KCNH1: variants seen among roughly 807,000 people sequenced by gnomAD.
The protein encoded by KCNH1 is potassium voltage-gated channel subfamily H member 1.
KCNH1 carries 27 observed loss-of-function variants against 69.2 expected under a neutral mutation model. The observed-to-expected ratio is 0.39, with a 90% CI of 0.29 to 0.54. The LOEUF (loss-of-function observed/expected upper bound fraction) is 0.54, where lower values mean the gene tolerates loss of function less well. Among genes scored for constraint, KCNH1 ranks in the 20% least tolerant of loss-of-function variants. The probability of loss-of-function intolerance (pLI) is 0.68; values close to 1 mark genes in which losing one functional copy is unlikely to be tolerated. For missense variants in KCNH1, 798 were observed against 1,261.6 expected (o/e 0.63, Z 5.57); for synonymous variants, 456 against 487.7 (o/e 0.93, Z 0.86).
intron 6 of KCNH1, among the ~76,000 whole-genome samples, chr1:210,925,563 A>G (rs986295377): frequency 6.6e-6 from 1 of 152,182 alleles, no homozygotes. Flanking sequence ...ACTTTAGGAC[A>G]GAGGGCTGCG....
intron 8 of KCNH1, among the ~76,000 whole-genome samples, chr1:210,802,491 G>T (rs1339534892): frequency 6.6e-6 from 1 of 152,168 alleles, no homozygotes; most frequent in East Asian, 1.9e-4. Context: ...CTGAGAAGCA[G>T]AGAATGAATC....
At chr1:211,036,474 C>T (rs890073149) in intron 5 of KCNH1, among the ~76,000 whole-genome samples, 1 of 152,184 alleles carries the variant, frequency 6.6e-6, no homozygotes, top group African/African-American at 2.4e-5. Context: ...CACCATGAGC[C>T]TGTGATCTCC....
At chr1:211,129,304 G>A (rs1691835642) in intron 1 of KCNH1, among the ~76,000 whole-genome samples, 1 of 152,204 alleles carries the variant, frequency 6.6e-6, no homozygotes. Flanking sequence ...TCAAGGTAAT[G>A]CTCAAGGAAC....
intron 7 of KCNH1, among the ~76,000 whole-genome samples, chr1:210,822,577 C>T (rs1280356819): frequency 6.6e-6 from 1 of 152,152 alleles, no homozygotes; most frequent in Non-Finnish European, 1.5e-5. Context: ...CTGTTGCTGT[C>T]TTAAAATTCC....
intron 2 of KCNH1, among the ~76,000 whole-genome samples, chr1:211,104,388 A>C (rs1439332651): frequency 6.6e-6 from 1 of 152,128 alleles, no homozygotes; most frequent in Non-Finnish European, 1.5e-5. Context: ...AGCAAAAAAA[A>C]AATTCATTTA....
intron 7 of KCNH1, among the ~76,000 whole-genome samples, chr1:210,856,420 T>G (rs75767362): frequency 0.031 from 4,764 of 152,086 alleles, 182 homozygotes; most frequent in East Asian, 0.15. Flanking sequence ...CAAAACTGTT[T>G]CTCCCACTGA....
chr1:210,780,487 G>T (rs189819656), intron 9 of KCNH1, among the ~76,000 whole-genome samples: 1 of 152,170 alleles, frequency 6.6e-6, no homozygotes, highest in Admixed American at 6.5e-5. Flanking sequence ...AGGGGCTGAG[G>T]TGTAACAGTG....
intron 6 of KCNH1, among the ~76,000 whole-genome samples, chr1:210,993,285 A>G (rs1688967407): frequency 6.6e-6 from 1 of 152,180 alleles, no homozygotes; most frequent in African/African-American, 2.4e-5. Context: ...CATATCACCC[A>G]CTAAGGAGTT....
chr1:210,792,302 C>T (rs1336854859), intron 9 of KCNH1, among the ~76,000 whole-genome samples: 1 of 152,170 alleles, frequency 6.6e-6, no homozygotes, highest in African/African-American at 2.4e-5. Flanking sequence ...TGTCAACCCC[C>T]TTTCTAAAAC....
intron 5 of KCNH1, among the ~76,000 whole-genome samples, chr1:211,066,826 G>T (rs2102454063): frequency 6.6e-6 from 1 of 152,278 alleles, no homozygotes; most frequent in African/African-American, 2.4e-5. Flanking sequence ...GGGGAAAACT[G>T]CAGAACATAC....
intron 6 of KCNH1, among the ~76,000 whole-genome samples, chr1:210,951,228 C>T (rs960298184): frequency 6.6e-6 from 1 of 152,152 alleles, no homozygotes; most frequent in Non-Finnish European, 1.5e-5. Flanking sequence ...CCCCTCTATA[C>T]AGGTGTGCTG....
intron 7 of KCNH1, among the ~76,000 whole-genome samples, chr1:210,811,162 T>A (rs1193334725): frequency 6.6e-6 from 1 of 152,228 alleles, no homozygotes; most frequent in Non-Finnish European, 1.5e-5. Context: ...CTGTGCCTGT[T>A]GTCCCCCAGT....
chr1:211,109,820 A>C (rs1211912894), intron 1 of KCNH1, among the ~76,000 whole-genome samples: 1 of 151,582 alleles, frequency 6.6e-6, no homozygotes, highest in African/African-American at 2.4e-5. Flanking sequence ...AAGAACTTTA[A>C]AAAAAAAATC....
At chr1:211,021,990 G>A (rs185861861) in intron 5 of KCNH1, among the ~76,000 whole-genome samples, 1 of 152,114 alleles carries the variant, frequency 6.6e-6, no homozygotes, top group Non-Finnish European at 1.5e-5. Flanking sequence ...AAATTTATAT[G>A]GAATCACAGA....
intron 7 of KCNH1, among the ~76,000 whole-genome samples, chr1:210,903,113 C>G (rs1176630923): frequency 2.0e-5 from 3 of 151,538 alleles, no homozygotes; most frequent in Non-Finnish European, 2.9e-5. Flanking sequence ...TGCCATCTCT[C>G]TTTTTTTTTC....
At chr1:210,997,798 A>G (rs1267912592) in intron 6 of KCNH1, among the ~76,000 whole-genome samples, 1 of 152,252 alleles carries the variant, frequency 6.6e-6, no homozygotes, top group Non-Finnish European at 1.5e-5. Flanking sequence ...AGCCCATCAG[A>G]CTAACAGCTG....
At chr1:211,009,709 A>G (rs1035211605) in intron 6 of KCNH1, among the ~76,000 whole-genome samples, 3 of 151,880 alleles carry the variant, frequency 2.0e-5, no homozygotes, top group South Asian at 2.1e-4. Flanking sequence ...CCCGGGTTCA[A>G]GCAATTCTCC....
intron 6 of KCNH1, among the ~76,000 whole-genome samples, chr1:210,975,190 A>C (rs76479549): frequency 0.019 from 2,913 of 152,180 alleles, 93 homozygotes; most frequent in African/African-American, 0.067. Context: ...AAATGTCTTT[A>C]TTTTGCTGTC....
intron 5 of KCNH1, among the ~76,000 whole-genome samples, chr1:211,071,836 C>T (rs1373325504): frequency 6.6e-6 from 1 of 152,016 alleles, no homozygotes; most frequent in Non-Finnish European, 1.5e-5. Flanking sequence ...TAGTTCAAAC[C>T]CATGTTATTC....
Sources: gnomAD v4.1 joint callset for allele counts (sites outside exome capture counted in the v4.1 genomes callset) on GRCh38, gnomAD v4.1.1 for gene constraint, MANE v1.5 for transcripts, NCBI Gene and HGNC (gene_info 2026-07-23, HGNC 2026-07-21) for gene names.